The following CXADR variants were observed in gnomAD, a reference collection of about 807,000 sequenced individuals.
The protein encoded by CXADR is coxsackievirus and adenovirus receptor.
A neutral mutation model predicts 40.3 loss-of-function variants in CXADR; 20 were observed. The observed-to-expected ratio is 0.50, with a 90% CI of 0.35 to 0.72. The LOEUF (loss-of-function observed/expected upper bound fraction) is 0.72. Among genes scored for constraint, CXADR ranks in the 30% least tolerant of loss-of-function variants. The pLI, the probability that CXADR is intolerant of heterozygous loss-of-function variation, is 0.01. For synonymous variants in CXADR, 150 were observed against 161.3 expected, an observed-to-expected ratio of 0.93 and a Z score of 0.53; for missense variants, 332 against 449.1, an observed-to-expected ratio of 0.74 and a Z score of 2.36.
intron 1 of CXADR, among the ~76,000 whole-genome samples, chr21:17,545,979 A>T (rs907826568): frequency 6.6e-6 from 1 of 152,118 alleles, no homozygotes; most frequent in Non-Finnish European, 1.5e-5. Flanking sequence ...GGGTTTCACC[A>T]TGTTGGTCAG....
At chr21:17,634,115 C>G in the CXADR span, among the ~76,000 whole-genome samples, 1 of 152,118 alleles carries the variant, frequency 6.6e-6, no homozygotes, top group Non-Finnish European at 1.5e-5. Context: ...ATTAGCAGGT[C>G]ATTTGGGCTG....
chr21:17,615,687 G>A, the CXADR span, among the ~76,000 whole-genome samples: 1 of 152,144 alleles, frequency 6.6e-6, no homozygotes, highest in Non-Finnish European at 1.5e-5. Flanking sequence ...CCATTTCACA[G>A]CTAACTTTAA....
chr21:17,538,364 C>T (rs543518276), intron 1 of CXADR, among the ~76,000 whole-genome samples: 46 of 152,148 alleles, frequency 3.0e-4, no homozygotes, highest in African/African-American at 9.9e-4. Flanking sequence ...ATGATGATGG[C>T]TGTATTATAC....
Position 17,568,492 on chromosome 21 carries a change from C to A in CXADR, c.*2800C>A. ...TTATAACTGAGAGACTTGATACCATCCATCTCTTTAGGTTACAGAGGATAA... is the reference window on the plus strand; with the variant it reads ...TTATAACTGAGAGACTTGATACCATACATCTCTTTAGGTTACAGAGGATAA... On this transcript the variant is annotated 3_prime_UTR_variant, in exon 7 of 7. Coordinates refer to ENST00000284878, the MANE Select transcript of CXADR (RefSeq NM_001338.5). The A allele has an allele frequency of 1.0e-6, 1 of 960,676 alleles. No homozygotes were observed. Among genetic ancestry groups the A allele is most frequent in the Non-Finnish European group, 1.2e-6 (1 of 821,776 alleles). The allele number at this position is 960,676 out of a possible 1,614,324, so 59.5% of individuals were successfully genotyped here.
At chr21:17,616,088 T>C in the CXADR span, among the ~76,000 whole-genome samples, 1 of 151,782 alleles carries the variant, frequency 6.6e-6, no homozygotes, top group African/African-American at 2.4e-5. Flanking sequence ...CCATCTCTAC[T>C]AAAAATACAA....
intron 1 of CXADR, among the ~76,000 whole-genome samples, chr21:17,528,068 CTTTTTTTTTTTTTTT>C (rs35477813): frequency 1.3e-5 from 1 of 78,352 alleles, no homozygotes; most frequent in African/African-American, 5.1e-5. Context: ...TTAGTTCTTT[CTTTTTTTTTTTTTTT>C]TTTTTTTTGA....
chr21:17,609,124 G>A, the CXADR span: 2,339 of 1,607,522 alleles, frequency 1.5e-3, 55 homozygotes, highest in East Asian at 0.044. Flanking sequence ...AGAAGACAAC[G>A]GCAGCAATTT....
the CXADR span, among the ~76,000 whole-genome samples, chr21:17,628,621 C>G: frequency 1.3e-5 from 2 of 152,176 alleles, no homozygotes; most frequent in Non-Finnish European, 2.9e-5. Flanking sequence ...CTGTCTTAGC[C>G]TCCCGAGTAG....
chr21:17,562,979 T>G (rs2061144915), intron 6 of CXADR, among the ~76,000 whole-genome samples: 1 of 152,204 alleles, frequency 6.6e-6, no homozygotes, highest in Non-Finnish European at 1.5e-5. Context: ...CCACTAAACT[T>G]TCTCCATATC....
chr21:17,629,583 A>C, the CXADR span, among the ~76,000 whole-genome samples: 32 of 152,140 alleles, frequency 2.1e-4, no homozygotes, highest in African/African-American at 7.2e-4. Flanking sequence ...AAAACAAAAC[A>C]AAACCCAAAA....
intron 1 of CXADR, among the ~76,000 whole-genome samples, chr21:17,514,770 A>T (rs1487797181): frequency 6.6e-6 from 1 of 151,600 alleles, no homozygotes; most frequent in Non-Finnish European, 1.5e-5. Context: ...AGTAGCTGGG[A>T]TTACAGGCAC....
At chr21:17,534,287 G>A (rs1569092530) in intron 1 of CXADR, among the ~76,000 whole-genome samples, 1 of 151,272 alleles carries the variant, frequency 6.6e-6, no homozygotes. Context: ...AGTAGAGACG[G>A]GGTTTCGCCA....
downstream of CXADR, chr21:17,598,556 A>C (rs140510225): frequency 3.5e-6 from 5 of 1,417,014 alleles, no homozygotes; most frequent in Non-Finnish European, 4.9e-6. Context: ...AAGTAGGACT[A>C]CCTGAAAGGT....
chr21:17,545,419 A>G (rs1050391487), intron 1 of CXADR, among the ~76,000 whole-genome samples: 6 of 152,032 alleles, frequency 3.9e-5, no homozygotes, highest in African/African-American at 1.2e-4. Flanking sequence ...TACAGACTAA[A>G]TTTGCATTTA....
the CXADR span, among the ~76,000 whole-genome samples, chr21:17,626,128 C>T: frequency 1.3e-5 from 2 of 152,132 alleles, no homozygotes; most frequent in African/African-American, 4.8e-5. Context: ...ATGCATTTCC[C>T]CCTTTTCTTT....
Position 17,547,129 on chromosome 21 carries a change from AC to A in CXADR, c.148del (p.Gln50ArgfsTer9), listed in dbSNP as rs1373837395. The A allele has an allele frequency of 6.2e-7, 1 of 1,614,202 alleles. No individual in the cohort carries two copies. The highest frequency in any genetic ancestry group is 1.7e-5 in the Admixed American group (1 of 60,018). The part of the protein sequence containing the change: ...LPCKFTLSPE[D>X]QGPLDIEWLI... ...TGCAAATTTACGCTTAGTCCCGAAG[AC>A]CAGGGACCGCTGGACATCGAGTGGC... On this transcript the variant is annotated frameshift_variant, in exon 2 of 7. Transcript: ENST00000284878. LOFTEE classifies it high-confidence loss of function.
chr21:17,624,031 G>A, the CXADR span, among the ~76,000 whole-genome samples: 60 of 152,094 alleles, frequency 3.9e-4, 1 homozygote, highest in East Asian at 8.0e-3. Flanking sequence ...TCCTTTTATC[G>A]TGTAAGGCTG....
At chr21:17,524,028 TTGTGTGTGTGTGTGCGTGTGTGTGTG>T (rs1424145111) in intron 1 of CXADR, among the ~76,000 whole-genome samples, 32 of 148,796 alleles carry the variant, frequency 2.2e-4, no homozygotes, top group African/African-American at 8.1e-4. Context: ...CCAGGCGATT[TTGTGTGTGTGTGTGCGTGTGTGTGTG>T]TGTGTGTGTG....
At chr21:17,577,246 T>C (rs1274776652) in intron 7 of CXADR, among the ~76,000 whole-genome samples, 1 of 152,192 alleles carries the variant, frequency 6.6e-6, no homozygotes, top group African/African-American at 2.4e-5. Context: ...TCAAAACCTG[T>C]CTGTCCTATT....
Sources: allele counts gnomAD v4.1 joint callset (sites outside exome capture counted in the v4.1 genomes callset), GRCh38; gene constraint gnomAD v4.1.1; transcripts MANE v1.5; gene names NCBI Gene and HGNC (gene_info 2026-07-23, HGNC 2026-07-21).